The following PIK3CB variants were observed in gnomAD, a reference collection of about 807,000 sequenced individuals.
PIK3CB encodes phosphatidylinositol-4,5-bisphosphate 3-kinase catalytic subunit beta, also known as phosphatidylinositol 4,5-bisphosphate 3-kinase catalytic subunit beta isoform.
A neutral mutation model predicts 136.8 loss-of-function variants in PIK3CB; 39 were observed. The observed-to-expected ratio is 0.29, with a 90% CI of 0.22 to 0.37. The LOEUF (loss-of-function observed/expected upper bound fraction) is 0.37, where lower values mean the gene tolerates loss of function less well. PIK3CB is among the 10% of genes least tolerant of loss of function. PIK3CB has a pLI of 1.00. For synonymous variants in PIK3CB, 428 were observed against 436.6 expected, an observed-to-expected ratio of 0.98 and a Z score of 0.25; for missense variants, 868 against 1,275.4, an observed-to-expected ratio of 0.68 and a Z score of 4.87.
intron 8 of PIK3CB, among the ~76,000 whole-genome samples, chr3:138,720,372 T>G (rs374696843): frequency 7.9e-5 from 12 of 152,268 alleles, no homozygotes; most frequent in Admixed American, 3.9e-4. Context: ...GACCTCTATT[T>G]CAACAACCAA....
intron 2 of PIK3CB, among the ~76,000 whole-genome samples, chr3:138,766,653 A>G (rs1370661326): frequency 6.6e-6 from 1 of 152,188 alleles, no homozygotes; most frequent in Non-Finnish European, 1.5e-5. Context: ...CATCACACCA[A>G]TCTCCAAAAT....
chr3:138,706,744 G>A (rs1255067402), intron 11 of PIK3CB, among the ~76,000 whole-genome samples: 3 of 152,190 alleles, frequency 2.0e-5, no homozygotes, highest in South Asian at 4.1e-4. Context: ...TGCAACCTCC[G>A]CCTCCCGGGT....
intron 2 of PIK3CB, among the ~76,000 whole-genome samples, chr3:138,765,123 C>T (rs1442183798): frequency 1.3e-5 from 2 of 152,126 alleles, no homozygotes; most frequent in Admixed American, 6.5e-5. Flanking sequence ...AGTTCGAGAC[C>T]AGCCTGGCCA....
intron 23 of PIK3CB, among the ~76,000 whole-genome samples, 171 bp from the exon 24 acceptor site, chr3:138,655,697 A>G (rs1194478088): frequency 1.3e-5 from 2 of 152,190 alleles, no homozygotes; most frequent in African/African-American, 4.8e-5. Context: ...AGATAGGGAG[A>G]TAATATGACT....
intron 19 of PIK3CB, among the ~76,000 whole-genome samples, chr3:138,678,101 T>C (rs2043687439): frequency 6.6e-6 from 1 of 152,032 alleles, no homozygotes; most frequent in Non-Finnish European, 1.5e-5. Context: ...AGTGAGACTC[T>C]GTCTCTCAAA....
chr3:138,826,499 G>GTT (rs34843148), intron 1 of PIK3CB, among the ~76,000 whole-genome samples: 201 of 95,864 alleles, frequency 2.1e-3, no homozygotes, highest in South Asian at 3.4e-3. Flanking sequence ...GACCATTTGG[G>GTT]TTTTTTTTTT....
intron 1 of PIK3CB, among the ~76,000 whole-genome samples, chr3:138,829,514 T>C (rs1448002820): frequency 1.3e-5 from 2 of 152,018 alleles, no homozygotes; most frequent in Admixed American, 6.6e-5. Flanking sequence ...TGCTCAAGGA[T>C]TGGCTGAGCG....
chr3:138,766,372 T>G (rs1168890865), intron 2 of PIK3CB, among the ~76,000 whole-genome samples: 1 of 152,184 alleles, frequency 6.6e-6, no homozygotes, highest in African/African-American at 2.4e-5. Context: ...ATTCACTAAG[T>G]TTTTATGTTT....
chr3:138,664,887 C>A (rs183267386), intron 20 of PIK3CB, 149 bp downstream of exon 20: 2 of 484,586 alleles, frequency 4.1e-6, no homozygotes, highest in Non-Finnish European at 7.3e-6. Flanking sequence ...TTACGAAGGG[C>A]TATGTGTCAT....
At chr3:138,823,281 G>A (rs929881197) in intron 1 of PIK3CB, among the ~76,000 whole-genome samples, 2 of 151,412 alleles carry the variant, frequency 1.3e-5, no homozygotes, top group African/African-American at 4.9e-5. Context: ...TAAATACAAG[G>A]CCTATACTAA....
chr3:138,787,203 C>A (rs1391400649), intron 2 of PIK3CB, among the ~76,000 whole-genome samples: 2 of 151,980 alleles, frequency 1.3e-5, no homozygotes, highest in Non-Finnish European at 2.9e-5. Context: ...GTTCACATAA[C>A]ATAAGAAGCT....
intron 1 of PIK3CB, among the ~76,000 whole-genome samples, chr3:138,812,630 C>T (rs1052461284): frequency 6.6e-6 from 1 of 151,824 alleles, no homozygotes; most frequent in Non-Finnish European, 1.5e-5. Flanking sequence ...CGGGTTCAAG[C>T]GATTCTCCTG....
intron 4 of PIK3CB, among the ~76,000 whole-genome samples, chr3:138,753,342 G>A (rs1261920683): frequency 1.3e-5 from 2 of 151,988 alleles, no homozygotes; most frequent in Admixed American, 6.6e-5. Context: ...CCAACATGGT[G>A]AAACCCTGTC....
At chr3:138,806,547 C>A (rs2046236795) in intron 1 of PIK3CB, among the ~76,000 whole-genome samples, 1 of 152,000 alleles carries the variant, frequency 6.6e-6, no homozygotes, top group South Asian at 2.1e-4. Flanking sequence ...CTCAGCAGAA[C>A]AGGGATTTCC....
At chr3:138,733,600 C>T (rs950190981) in intron 7 of PIK3CB, among the ~76,000 whole-genome samples, 162 bp from the exon 8 acceptor site, 6 of 152,022 alleles carry the variant, frequency 3.9e-5, no homozygotes, top group African/African-American at 1.2e-4. Context: ...AAGCATTGAC[C>T]GGGCGCGGTG....
chr3:138,664,630 GC>G (rs2043368011), intron 20 of PIK3CB, among the ~76,000 whole-genome samples: 1 of 152,092 alleles, frequency 6.6e-6, no homozygotes, highest in Non-Finnish European at 1.5e-5. Context: ...ATATATTAGT[GC>G]TTTTCTAACA....
intron 2 of PIK3CB, among the ~76,000 whole-genome samples, chr3:138,779,089 T>C (rs2045893303): frequency 3.0e-3 from 1 of 328 alleles, no homozygotes; most frequent in Non-Finnish European, 0.019. Flanking sequence ...GTCATTTCTT[T>C]TTTTTTTTTT....
At chr3:138,752,271 C>G (rs1274932928) in intron 4 of PIK3CB, among the ~76,000 whole-genome samples, 1 of 151,896 alleles carries the variant, frequency 6.6e-6, no homozygotes, top group Non-Finnish European at 1.5e-5. Context: ...GTATTTTTAG[C>G]CTAGTCAGGG....
intron 8 of PIK3CB, among the ~76,000 whole-genome samples, chr3:138,723,044 C>T (rs191567001): frequency 1.2e-4 from 18 of 151,388 alleles, no homozygotes; most frequent in African/African-American, 2.9e-4. Context: ...TATAATGATG[C>T]TAAAAATTTT....
Sources: allele counts gnomAD v4.1 joint callset (sites outside exome capture counted in the v4.1 genomes callset), GRCh38; gene constraint gnomAD v4.1.1; transcripts MANE v1.5; gene names NCBI Gene and HGNC (gene_info 2026-07-23, HGNC 2026-07-21).